Variants in ACE observed in about 807,000 individuals in gnomAD.
The protein encoded by ACE is angiotensin-converting enzyme.
A neutral mutation model predicts 162.3 loss-of-function variants in ACE; 122 were observed. That is an observed-to-expected ratio of 0.75 (90% CI 0.65 to 0.87). The LOEUF (loss-of-function observed/expected upper bound fraction) is 0.87, where lower values mean the gene tolerates loss of function less well. ACE is among the 40% of genes least tolerant of loss of function. The probability of loss-of-function intolerance (pLI) is 0.00; values close to 1 mark genes in which losing one functional copy is unlikely to be tolerated. For missense variants in ACE, 1,799 were observed against 1,735.1 expected (o/e 1.04, Z -0.65); for synonymous variants, 796 against 720.6 (o/e 1.10, Z -1.68).
At position 63,488,922 on chromosome 17, in the gene ACE, G is replaced by C. The variant is rs753222016; in HGVS notation, c.2450-19G>C. The C allele has an allele frequency of 3.1e-6, 5 of 1,613,870 alleles. No individual in the cohort carries two copies. In the Admixed American group the frequency reaches 8.3e-5, roughly 27 times the overall value. Reference sequence around the variant, plus strand: ...AGGTAATGTGGTGTTGGGAGAGCCTGGCTGTGTCCCCTCTGTAGGCTATGT... The same window carrying C: ...AGGTAATGTGGTGTTGGGAGAGCCTCGCTGTGTCCCCTCTGTAGGCTATGT... On this transcript the variant is annotated intron_variant, in intron 16 of 24. Transcript: ENST00000290866.
Position 63,496,215 on chromosome 17 carries a change from C to T in ACE, c.3381-179C>T, listed in dbSNP as rs933779175. 24 of 859,124 alleles carry T rather than the reference C, an allele frequency of 2.8e-5. 2 individuals carry two copies. The highest frequency in any genetic ancestry group is 1.1e-5 in the Non-Finnish European group (6 of 537,688). 53.2% of individuals were successfully genotyped at this position (859,124 alleles called of 1,614,324 possible). A position where few individuals can be genotyped will look rare whatever the true frequency, so the allele number is the denominator to read the frequency against. On this transcript the variant is annotated intron_variant, in intron 22 of 24. Coordinates refer to ENST00000290866, the MANE Select transcript of ACE (RefSeq NM_000789.4). ...CGGCTAGGAAGAGGCTCAGACAATGCTAAGAGCTGGGGTGGGGGAGCTCAC... is the reference window on the plus strand; with the variant it reads ...CGGCTAGGAAGAGGCTCAGACAATGTTAAGAGCTGGGGTGGGGGAGCTCAC...
Position 63,488,970 on chromosome 17 carries a change from T to C in ACE, c.2479T>C (p.Ser827Pro). The C allele has an allele frequency of 3.7e-6, 6 of 1,613,694 alleles. No homozygotes were observed. Among genetic ancestry groups the C allele is most frequent in the Non-Finnish European group, 5.1e-6 (6 of 1,179,934 alleles). Reference sequence around the variant, plus strand: ...TGTAGATGCAGGGGACTCGTGGAGGTCTATGTACGAGACACCATCCCTGGA... The same window carrying C: ...TGTAGATGCAGGGGACTCGTGGAGGCCTATGTACGAGACACCATCCCTGGA... ...GYVDAGDSWR[S>P]MYETPSLEQD... Residue 827 changes from serine (S) to proline (P), a missense_variant, in exon 17 of 25, where the codon TCT becomes CCT. By Grantham distance (74) the Ser-to-Pro change is moderately conservative. Transcript: ENST00000290866.
At chr17:63,478,274 T>A in intron 2 of ACE, 176 bp downstream of exon 2, 1 of 809,768 alleles carries the variant, frequency 1.2e-6, no homozygotes, top group Non-Finnish European at 1.9e-6. Flanking sequence ...TTCTTGGAGA[T>A]GGGGTGGGGA....
At position 63,487,086 on chromosome 17, in the gene ACE, G is replaced by A. The variant is rs750165101; in HGVS notation, c.2305+13G>A. 19 of 1,612,328 alleles carry A rather than the reference G, an allele frequency of 1.2e-5. No homozygotes were observed. The highest frequency in any genetic ancestry group is 3.3e-4 in the Middle Eastern group (2 of 6,060). On this transcript the variant is annotated intron_variant, in intron 15 of 24. Coordinates refer to ENST00000290866, the MANE Select transcript of ACE (RefSeq NM_000789.4). The stretch of plus-strand genomic sequence containing the variant: ...CAGCTCGAGCCAGGTGAGAGCTCAT[G>A]TGCAGGCTGAGTGAGAGGCGAGGGC...
chr17:63,478,054 C>A lies in ACE; in HGVS notation c.373C>A (p.Arg125Ser). Residue 125 changes from arginine to serine, a missense_variant, in exon 2 of 25, where the codon CGC becomes AGC. Arg to Ser is a moderately radical substitution (Grantham distance 110). Coordinates refer to ENST00000290866, the MANE Select transcript of ACE (RefSeq NM_000789.4). ...GCTGCGCAGGATCATCGGAGCTGTGCGCACCCTGGGCTCTGCCAACCTGCC... is the reference window on the plus strand; with the variant it reads ...GCTGCGCAGGATCATCGGAGCTGTGAGCACCCTGGGCTCTGCCAACCTGCC... ...PQLRRIIGAV[R>S]TLGSANLPLA... 1.2e-6 allele frequency: 2 copies of A among 1,600,766 alleles called. No homozygotes were observed. The highest frequency in any genetic ancestry group is 1.7e-6 in the Non-Finnish European group (2 of 1,173,892).
In ACE at chr17:63,483,519, G is replaced by C; in HGVS notation, c.1547G>C (p.Gly516Ala). Reference protein sequence around the residue: ...VTRNETHFDAGAKFHVPNVTP... With the variant: ...VTRNETHFDAAAKFHVPNVTP... ...CGAAACGAAACCCACTTTGATGCTG[G>C]AGCTAAGTTTCATGTTCCAAATGTG... is the stretch of plus-strand genomic sequence containing the variant. Residue 516 changes from glycine (G) to alanine (A), a missense_variant, in exon 10 of 25, where the codon GGA becomes GCA. By Grantham distance (60) the Gly-to-Ala change is moderately conservative. Coordinates refer to ENST00000290866, the MANE Select transcript of ACE (RefSeq NM_000789.4). 1 of 1,614,104 alleles carries C rather than the reference G, an allele frequency of 6.2e-7. No individual in the cohort carries two copies. Among genetic ancestry groups the C allele is most frequent in the South Asian group, 1.1e-5 (1 of 91,076 alleles).
intron 17 of ACE, among the ~76,000 whole-genome samples, chr17:63,489,362 TG>T (rs919368874): frequency 1.3e-5 from 2 of 152,094 alleles, no homozygotes; most frequent in Non-Finnish European, 2.9e-5. Context: ...TCACCATGGA[TG>T]GGGGAAGAAG....
At chr17:63,481,282 G>A in intron 6 of ACE, 94 bp downstream of exon 6, 1 of 1,216,446 alleles carries the variant, frequency 8.2e-7, no homozygotes. Context: ...GAAGGTTTCG[G>A]GTACTGAGCA....
intron 3 of ACE, 113 bp from the exon 4 acceptor site, chr17:63,479,656 G>C: frequency 1.4e-6 from 2 of 1,440,926 alleles, no homozygotes; most frequent in Non-Finnish European, 1.9e-6. Flanking sequence ...TGGGGGCACC[G>C]TGATGTTCAG....
chr17:63,493,862 C>G, intron 20 of ACE, 60 bp from the exon 21 acceptor site: 1 of 1,612,726 alleles, frequency 6.2e-7, no homozygotes, highest in East Asian at 2.2e-5. Flanking sequence ...CCATCACAGG[C>G]ACACCAGGGC....
rs762574298 is a variant in ACE at position 63,483,503 on chromosome 17, A to G, written c.1531A>G (p.Thr511Ala). The G allele has an allele frequency of 2.5e-6, 4 of 1,614,040 alleles. 1 individual carries two copies. The Admixed American group carries it at 6.7e-5, about 27-fold the overall frequency. ...GICPPVTRNETHFDAGAKFHV... is the reference protein window; with the variant it reads ...GICPPVTRNEAHFDAGAKFHV... ...CTGTCCTCCTGTTACCCGAAACGAA[A>G]CCCACTTTGATGCTGGAGCTAAGTT... is the stretch of plus-strand genomic sequence containing the variant. Residue 511 changes from threonine to alanine, a missense_variant, in exon 10 of 25, where the codon ACC (threonine) becomes GCC (alanine). Thr to Ala is a moderately conservative substitution (Grantham distance 58). Transcript: ENST00000290866.
chr17:63,493,571 G>A lies in ACE; in HGVS notation c.3048G>A (p.Glu1016=), dbSNP rs1253480175. ...AGGGTGCCAACCCCGGCTTCCATGA[G>A]GCCATTGGGGACGTGCTAGCCCTCT... ...LREGANPGFH[E]AIGDVLALSV... is the part of the protein sequence containing the mutation. The change falls in exon 20 of 25, where the codon GAG becomes GAA. Residue 1016 remains glutamate (E), a synonymous_variant. Transcript: ENST00000290866. 6.2e-7 allele frequency: 1 copy of A among 1,614,204 alleles called. No homozygotes were observed. The highest frequency in any genetic ancestry group is 1.3e-5 in the African/African-American group (1 of 75,048).
In ACE at chr17:63,491,013, G is replaced by C; in HGVS notation, c.2701G>C (p.Ala901Pro). ...IYDLVVPFPSAPSMDTTEAML... is the reference protein window; with the variant it reads ...IYDLVVPFPSPPSMDTTEAML... ...TGACTTGGTGGTGCCCTTCCCTTCA[G>C]CCCCCTCGATGGACACCACAGAGGC... The change falls in exon 18 of 25, where the codon GCC becomes CCC. Residue 901 changes from alanine (A) to proline (P), a missense_variant. By Grantham distance (27) the Ala-to-Pro change is conservative (BLOSUM62 -1). Transcript: ENST00000290866. This position sits in a 1 kb window ranked among gnomAD's most constrained non-coding sequence, Gnocchi z 4.4. 1.2e-6 allele frequency: 2 copies of C among 1,614,188 alleles called. No individual in the cohort carries two copies. Among genetic ancestry groups the C allele is most frequent in the Non-Finnish European group, 1.7e-6 (2 of 1,180,038 alleles).
Position 63,484,871 on chromosome 17 carries a change from G to T in ACE, c.1921+330G>T. On this transcript the variant is annotated intron_variant, in intron 12 of 24. Transcript: ENST00000290866. The surrounding 1 kb of genome is among the most constrained non-coding windows in gnomAD (Gnocchi z 4.0). ...AGGACTCTGCTCTCCTGCGGCCATG[G>T]GCCAGGGTTGGGCTACTGCAGGACT... The T allele has an allele frequency of 6.3e-7, 1 of 1,582,538 alleles. No homozygotes were observed.
At position 63,496,918 on chromosome 17, in the gene ACE, C is replaced by T; in HGVS notation, c.3624C>T (p.Leu1208=). The T allele has an allele frequency of 1.2e-6, 2 of 1,613,672 alleles. No individual in the cohort carries two copies. Among genetic ancestry groups the T allele is most frequent in the Non-Finnish European group, 1.7e-6 (2 of 1,180,008 alleles). Residue 1208 remains leucine (L), a synonymous_variant, in exon 24 of 25, where the codon CTC becomes CTT. Transcript: ENST00000290866. ...LSYFKPLLDW[L]RTENELHGEK... is the part of the protein sequence containing the mutation. ...ACTTCAAGCCGCTGCTGGACTGGCTCCGCACGGAGAACGAGCTGCATGGGG... is the reference window on the plus strand; with the variant it reads ...ACTTCAAGCCGCTGCTGGACTGGCTTCGCACGGAGAACGAGCTGCATGGGG...
intron 4 of ACE, 112 bp from the exon 5 acceptor site, chr17:63,480,225 C>A: frequency 8.3e-7 from 1 of 1,208,066 alleles, no homozygotes; most frequent in Non-Finnish European, 1.2e-6. Context: ...GCCAATTTTC[C>A]AGCTAGCTGC....
chr17:63,495,620 T>G (rs759042676), intron 22 of ACE, among the ~76,000 whole-genome samples: 1 of 152,230 alleles, frequency 6.6e-6, no homozygotes, highest in Non-Finnish European at 1.5e-5. Context: ...GGCTCCCGCC[T>G]GCCTGCTGGA....
Position 63,483,943 on chromosome 17 carries a change from C to A in ACE, c.1681C>A (p.Arg561=). The change falls in exon 11 of 25, where the codon CGG becomes AGG. Residue 561 remains arginine (R), a synonymous_variant. Transcript: ENST00000290866. ...EGPLHQCDIY[R]STKAGAKLRK... ...CCCACTGCACCAGTGTGACATCTAC[C>A]GGTCCACCAAGGCAGGGGCCAAGCT... is the stretch of plus-strand genomic sequence containing the variant. 6.2e-7 allele frequency: 1 copy of A among 1,614,006 alleles called. No homozygotes were observed. The highest frequency in any genetic ancestry group is 1.1e-5 in the South Asian group (1 of 91,064).
At position 63,484,282 on chromosome 17, in the gene ACE, A is replaced by T. The variant is rs1238071345; in HGVS notation, c.1710-48A>T. ...CATGTGGGCCGGGGTCCAGGAGCAG[A>T]CTCCAGCCTGAGTCCCCTGTGCCCA... On this transcript the variant is annotated intron_variant, in intron 11 of 24. Coordinates refer to ENST00000290866, the MANE Select transcript of ACE (RefSeq NM_000789.4). This position sits in a 1 kb window ranked among gnomAD's most constrained non-coding sequence, Gnocchi z 4.0. The T allele has an allele frequency of 6.3e-7, 1 of 1,574,838 alleles. No homozygotes were observed. The highest frequency in any genetic ancestry group is 1.8e-5 in the Admixed American group (1 of 56,338).
Sources: allele counts gnomAD v4.1 joint callset (sites outside exome capture counted in the v4.1 genomes callset), GRCh38; gene constraint gnomAD v4.1.1; non-coding constraint Gnocchi (gnomAD v3.1); transcripts MANE v1.5; gene names NCBI Gene and HGNC (gene_info 2026-07-23, HGNC 2026-07-21).